The following PPM1G variants were observed in gnomAD, a reference collection of about 807,000 sequenced individuals.
PPM1G encodes protein phosphatase 1G.
Under a neutral mutation model 59.4 loss-of-function variants are expected in PPM1G, and 12 were observed. The observed-to-expected ratio is 0.20, with a 90% confidence interval of 0.13 to 0.33. The LOEUF is 0.33. Among genes scored for constraint, PPM1G ranks in the 10% least tolerant of loss-of-function variants. The probability of loss-of-function intolerance (pLI) is 1.00; values close to 1 mark genes in which losing one functional copy is unlikely to be tolerated. For missense variants in PPM1G, 392 were observed against 681.3 expected (o/e 0.58, Z 4.73); for synonymous variants, 245 against 251.9 (o/e 0.97, Z 0.26).
Position 27,392,298 on chromosome 2 carries a change from T to TG in PPM1G, c.121-5141_121-5140insC, listed in dbSNP as rs201576607. On this transcript the variant is annotated intron_variant, in intron 1 of 9. Coordinates refer to ENST00000344034, the MANE Select transcript of PPM1G (RefSeq NM_177983.3). Reference sequence around the variant, plus strand: ...GTTGGTTTGTTTTGTTTTTTTTTTTTTTTTTTTTTTTTGAGAGAGAGAATG... The same window carrying TG: ...GTTGGTTTGTTTTGTTTTTTTTTTTTGTTTTTTTTTTTTGAGAGAGAGAATG... 1.9e-4 allele frequency among the ~76,000 whole-genome samples: 27 copies of TG among 143,828 alleles called. 1 individual carries two copies. In the South Asian group the frequency reaches 2.2e-3, roughly 11 times the overall value. The allele number at this position is 143,828 out of a possible 152,430, so 94.4% of individuals were successfully genotyped here.
chr2:27,408,423 T>C (rs1161923645), intron 1 of PPM1G, among the ~76,000 whole-genome samples: 1 of 152,218 alleles, frequency 6.6e-6, no homozygotes, highest in East Asian at 1.9e-4. Context: ...TCTTCTCTTT[T>C]GTAGTTTCAC....
intron 1 of PPM1G, among the ~76,000 whole-genome samples, chr2:27,409,047 G>A (rs1317332787): frequency 1.3e-5 from 2 of 152,206 alleles, no homozygotes; most frequent in Non-Finnish European, 2.9e-5. Context: ...CTCGGGGAGA[G>A]GGCGGTCAGT....
chr2:27,388,768 GGGA>G (rs1466192911), intron 1 of PPM1G, among the ~76,000 whole-genome samples: 2 of 151,852 alleles, frequency 1.3e-5, no homozygotes, highest in Admixed American at 6.6e-5. Flanking sequence ...CCAGCTACTT[GGGA>G]GGCTGAGGCA....
chr2:27,387,643 G>A (rs1038825195), intron 1 of PPM1G, among the ~76,000 whole-genome samples: 1 of 152,044 alleles, frequency 6.6e-6, no homozygotes, highest in African/African-American at 2.4e-5. Flanking sequence ...TGAGATTACA[G>A]GCATGTGCCA....
chr2:27,408,126 T>C (rs1023426563), intron 1 of PPM1G, among the ~76,000 whole-genome samples: 4 of 152,060 alleles, frequency 2.6e-5, no homozygotes, highest in African/African-American at 7.2e-5. Context: ...TACCTAATTA[T>C]AAAATTGTTA....
At chr2:27,394,791 T>C (rs1455740438) in intron 1 of PPM1G, among the ~76,000 whole-genome samples, 1 of 150,846 alleles carries the variant, frequency 6.6e-6, no homozygotes, top group Non-Finnish European at 1.5e-5. Flanking sequence ...GAATGATATT[T>C]CATTTTCCAG....
At chr2:27,393,130 G>T in intron 1 of PPM1G, 1 of 1,348,314 alleles carries the variant, frequency 7.4e-7, no homozygotes, top group South Asian at 1.2e-5. Flanking sequence ...AGGAAGATTC[G>T]GCCACCTCGT....
In PPM1G at chr2:27,382,829, GT is replaced by G. The variant is rs35551468; in HGVS notation, c.1202-225del. Among the ~76,000 whole-genome samples, 34 of 140,588 alleles carry G rather than the reference GT, an allele frequency of 2.4e-4. No homozygotes were observed. The highest frequency in any genetic ancestry group is 4.4e-4 in the South Asian group (2 of 4,526). 92.2% of individuals were successfully genotyped at this position (140,588 alleles called of 152,430 possible). On this transcript the variant is annotated intron_variant, in intron 7 of 9. Transcript: ENST00000344034. The surrounding 1 kb of genome is among the most constrained non-coding windows in gnomAD (Gnocchi z 4.2). ...GGTCTTTTTATTTTAAGTCTTTTTT[GT>G]TTTTTTTTTTTTGAGACGGAGTTTC...
chr2:27,387,210 C>T, intron 1 of PPM1G, 52 bp from the exon 2 acceptor site: 1 of 1,472,414 alleles, frequency 6.8e-7, no homozygotes, highest in South Asian at 1.1e-5. Context: ...GAATATTCCT[C>T]AGGTCATAGG....
intron 1 of PPM1G, among the ~76,000 whole-genome samples, chr2:27,395,936 T>G (rs1347766214): frequency 6.6e-6 from 1 of 151,456 alleles, no homozygotes; most frequent in African/African-American, 2.4e-5. Context: ...GAAATTCTTG[T>G]GTACTGTTGG....
chr2:27,384,006 G>A lies in PPM1G; in HGVS notation c.912C>T (p.Asp304=), dbSNP rs138986348. 27 of 1,581,640 alleles carry A rather than the reference G, an allele frequency of 1.7e-5. No individual in the cohort carries two copies. The South Asian group carries it at 1.8e-4, about 11-fold the overall frequency. Residue 304 remains aspartate (D), a synonymous_variant, in exon 6 of 10, where the codon GAC becomes GAT. Transcript: ENST00000344034. The surrounding 1 kb of genome is among the most constrained non-coding windows in gnomAD (Gnocchi z 4.8). Reference sequence around the variant, plus strand: ...TCATCTCTTCTTCTTCTTCTTCATCGTCCTCTTCAGCCTCCTCGGTGTCAT... The same window carrying A: ...TCATCTCTTCTTCTTCTTCTTCATCATCCTCTTCAGCCTCCTCGGTGTCAT... ...DEDDTEEAEE[D]DEEEEEEMMV...
chr2:27,406,466 T>C (rs921164150), intron 1 of PPM1G, among the ~76,000 whole-genome samples: 6 of 152,220 alleles, frequency 3.9e-5, no homozygotes, highest in African/African-American at 1.4e-4. Context: ...TATTTAACTA[T>C]TGATTAGGCA....
At chr2:27,394,008 T>C (rs1223212403) in intron 1 of PPM1G, among the ~76,000 whole-genome samples, 2 of 152,050 alleles carry the variant, frequency 1.3e-5, no homozygotes, top group Non-Finnish European at 2.9e-5. Flanking sequence ...GTGATCCACC[T>C]GCCTCGGCCT....
chr2:27,383,085 C>T lies in PPM1G; in HGVS notation c.1201+281G>A, dbSNP rs1683680482. On this transcript the variant is annotated intron_variant, in intron 7 of 9. Coordinates refer to ENST00000344034, the MANE Select transcript of PPM1G (RefSeq NM_177983.3). This position sits in a 1 kb window ranked among gnomAD's most constrained non-coding sequence, Gnocchi z 5.0. ...TCCTGACCTCAGGCGATCCACCAGC[C>T]TCAGCCTCCCAAAGTGCTGGGATTA... Among the ~76,000 whole-genome samples, 1 of 152,054 alleles carries T rather than the reference C, an allele frequency of 6.6e-6. No homozygotes were observed. Among genetic ancestry groups the T allele is most frequent in the South Asian group, 2.1e-4 (1 of 4,826 alleles).
Position 27,386,181 on chromosome 2 carries a change from T to TA in PPM1G, c.276+12dup, listed in dbSNP as rs1488869573. The stretch of plus-strand genomic sequence containing the variant: ...CTACACAAGTGAGGAATGGGCGGTG[T>TA]AAGCAGACAGACCTTCTGTAGCTTG... On this transcript the variant is annotated intron_variant, in intron 3 of 9. Transcript: ENST00000344034. The TA allele has an allele frequency of 6.2e-7, 1 of 1,603,778 alleles. No homozygotes were observed. Among genetic ancestry groups the TA allele is most frequent in the Admixed American group, 1.7e-5 (1 of 59,996 alleles).
At chr2:27,387,940 A>G (rs1447442978) in intron 1 of PPM1G, among the ~76,000 whole-genome samples, 5 of 151,938 alleles carry the variant, frequency 3.3e-5, no homozygotes, top group Non-Finnish European at 5.9e-5. Context: ...CTGGGACTAC[A>G]GGCACCCACC....
Position 27,385,172 on chromosome 2 carries a change from G to A in PPM1G, c.410-84C>T. On this transcript the variant is annotated intron_variant, in intron 4 of 9. Transcript: ENST00000344034. The surrounding 1 kb of genome is among the most constrained non-coding windows in gnomAD (Gnocchi z 4.1). Reference sequence around the variant, plus strand: ...TCTCACTACCTCAACAGCCCTTGCAGCCTCTAACTTCCCCACAACCTCCCA... The same window carrying A: ...TCTCACTACCTCAACAGCCCTTGCAACCTCTAACTTCCCCACAACCTCCCA... 6.9e-7 allele frequency: 1 copy of A among 1,450,166 alleles called. No homozygotes were observed. The highest frequency in any genetic ancestry group is 9.2e-7 in the Non-Finnish European group (1 of 1,091,518). 89.8% of individuals were successfully genotyped at this position (1,450,166 alleles called of 1,614,324 possible).
At chr2:27,397,065 C>A (rs1266194609) in intron 1 of PPM1G, among the ~76,000 whole-genome samples, 1 of 151,986 alleles carries the variant, frequency 6.6e-6, no homozygotes, top group Admixed American at 6.6e-5. Flanking sequence ...GATGGGGTTT[C>A]TCCACGTTGC....
At chr2:27,386,913 C>T (rs1429273476) in intron 2 of PPM1G, 176 bp downstream of exon 2, 3 of 557,016 alleles carry the variant, frequency 5.4e-6, no homozygotes, top group African/African-American at 3.8e-5. Context: ...AGATTATAAA[C>T]CAATACAGTA....
Sources: allele counts gnomAD v4.1 joint callset (sites outside exome capture counted in the v4.1 genomes callset), GRCh38; gene constraint gnomAD v4.1.1; non-coding constraint Gnocchi (gnomAD v3.1); transcripts MANE v1.5; gene names NCBI Gene and HGNC (gene_info 2026-07-23, HGNC 2026-07-21).